ABI1: variants seen among roughly 807,000 people sequenced by gnomAD.
The protein encoded by ABI1 is abl interactor 1.
A neutral mutation model predicts 54.6 loss-of-function variants in ABI1; 14 were observed. The observed-to-expected ratio is 0.26, with a 90% CI of 0.17 to 0.40. ABI1 has a LOEUF of 0.40. Among genes scored for constraint, ABI1 ranks in the 10% least tolerant of loss-of-function variants. ABI1 has a pLI of 1.00. For synonymous variants in ABI1, 194 were observed against 209.3 expected (o/e 0.93, Z 0.63); for missense variants, 443 against 598.3 (o/e 0.74, Z 2.71).
At chr10:26,799,620 G>C (rs2046413734) in intron 2 of ABI1, among the ~76,000 whole-genome samples, 1 of 152,186 alleles carries the variant, frequency 6.6e-6, no homozygotes, top group South Asian at 2.1e-4. Flanking sequence ...TCATTTCAGA[G>C]CTAAAACTGA....
At chr10:26,840,659 C>A (rs2134054417) in intron 1 of ABI1, among the ~76,000 whole-genome samples, 2 of 152,262 alleles carry the variant, frequency 1.3e-5, no homozygotes, top group South Asian at 4.1e-4. Flanking sequence ...ATCAATTAAT[C>A]TCTACTGTAA....
At chr10:26,839,914 C>G (rs2049366810) in intron 1 of ABI1, 2 of 596,190 alleles carry the variant, frequency 3.4e-6, no homozygotes, top group Admixed American at 5.3e-5. Context: ...TGCTGGAACC[C>G]AGGACTTTGG....
At chr10:26,766,366 T>C (rs1477360442) in intron 6 of ABI1, among the ~76,000 whole-genome samples, 1 of 152,218 alleles carries the variant, frequency 6.6e-6, no homozygotes, top group Admixed American at 6.5e-5. Flanking sequence ...TGTGTGTACA[T>C]GTGTAAAAAC....
chr10:26,836,215 C>T (rs993137181), intron 1 of ABI1, among the ~76,000 whole-genome samples: 18 of 151,898 alleles, frequency 1.2e-4, no homozygotes, highest in East Asian at 3.9e-4. Context: ...CAGGTTCAAG[C>T]GATTCTCCTG....
intron 2 of ABI1, among the ~76,000 whole-genome samples, chr10:26,812,343 A>G (rs2047294535): frequency 6.6e-6 from 1 of 152,198 alleles, no homozygotes; most frequent in Non-Finnish European, 1.5e-5. Flanking sequence ...TACCATTAAC[A>G]TACTTTTCTC....
chr10:26,814,058 G>C (rs538903706), intron 2 of ABI1, among the ~76,000 whole-genome samples: 1 of 152,232 alleles, frequency 6.6e-6, no homozygotes, highest in South Asian at 2.1e-4. Flanking sequence ...ACAGTAACTA[G>C]GTTTTTGCCT....
At chr10:26,809,178 G>A (rs1273225936) in intron 2 of ABI1, among the ~76,000 whole-genome samples, 4 of 149,854 alleles carry the variant, frequency 2.7e-5, no homozygotes, top group East Asian at 2.0e-4. Context: ...GCTGAGGCAC[G>A]AGAATCACTT....
chr10:26,811,646 TAAG>T (rs1434748979), intron 2 of ABI1, among the ~76,000 whole-genome samples: 1 of 152,206 alleles, frequency 6.6e-6, no homozygotes, highest in Non-Finnish European at 1.5e-5. Flanking sequence ...CTTATGATGT[TAAG>T]AATATTATAC....
chr10:26,767,134 C>T (rs183822451), intron 6 of ABI1, among the ~76,000 whole-genome samples: 1 of 152,164 alleles, frequency 6.6e-6, no homozygotes, highest in African/African-American at 2.4e-5. Context: ...TTAATAACTG[C>T]TTGTTGAATA....
At chr10:26,837,502 C>T (rs796259392) in intron 1 of ABI1, among the ~76,000 whole-genome samples, 69 of 152,316 alleles carry the variant, frequency 4.5e-4, no homozygotes, top group African/African-American at 1.6e-3. Flanking sequence ...CAATTCTATT[C>T]ACAATTAGAA....
At chr10:26,755,615 C>A (rs771904751) in intron 9 of ABI1, 40 bp downstream of exon 9, 3 of 1,499,612 alleles carry the variant, frequency 2.0e-6, no homozygotes, top group South Asian at 2.3e-5. Flanking sequence ...TATAAGGAGA[C>A]AGCCTCTACT....
At chr10:26,831,143 T>A (rs1589013533) in intron 1 of ABI1, among the ~76,000 whole-genome samples, 1 of 152,174 alleles carries the variant, frequency 6.6e-6, no homozygotes, top group Non-Finnish European at 1.5e-5. Flanking sequence ...CTCCCATTCC[T>A]TCTAGAAATG....
At chr10:26,826,783 A>G (rs2048328634) in intron 1 of ABI1, among the ~76,000 whole-genome samples, 1 of 152,074 alleles carries the variant, frequency 6.6e-6, no homozygotes, top group African/African-American at 2.4e-5. Flanking sequence ...AACCTCATGA[A>G]CCCGCTGGCT....
intron 7 of ABI1, among the ~76,000 whole-genome samples, chr10:26,762,301 C>G (rs1839338809): frequency 6.6e-6 from 1 of 152,160 alleles, no homozygotes; most frequent in Non-Finnish European, 1.5e-5. Flanking sequence ...AGCCACTGTG[C>G]CCAGCCTTAC....
At chr10:26,761,657 T>TATATAC (rs796236947) in intron 7 of ABI1, among the ~76,000 whole-genome samples, 1 of 91,620 alleles carries the variant, frequency 1.1e-5, no homozygotes, top group African/African-American at 4.2e-5. Context: ...TATATATATA[T>TATATAC]ATATACACAC....
chr10:26,771,881 A>G (rs3802616), intron 3 of ABI1, among the ~76,000 whole-genome samples: 10,326 of 152,232 alleles, frequency 0.068, 385 homozygotes, highest in East Asian at 0.14. Flanking sequence ...AGCCTACACA[A>G]CATGAAACAA....
intron 9 of ABI1, among the ~76,000 whole-genome samples, chr10:26,754,978 G>C (rs1385870940): frequency 6.6e-6 from 1 of 151,976 alleles, no homozygotes; most frequent in Non-Finnish European, 1.5e-5. Flanking sequence ...AACTTCATTC[G>C]AGAGAAGATC....
At chr10:26,856,063 G>A (rs908326401) in intron 1 of ABI1, among the ~76,000 whole-genome samples, 9 of 98,938 alleles carry the variant, frequency 9.1e-5, no homozygotes, top group Non-Finnish European at 1.3e-4. Context: ...GAGGACAGTG[G>A]ATCACCTGAG....
In ABI1 at chr10:26,747,070, C is replaced by CATTG. The variant is rs1475899885; in HGVS notation, c.*1496_*1499dup. On this transcript the variant is annotated 3_prime_UTR_variant, in exon 11 of 11. Coordinates refer to ENST00000376140, the MANE Select transcript of ABI1 (RefSeq NM_001012750.3). ...AGGCAAAATGCATATGAAATAGTCACATTGATTTGGTAGCAATAATGGTCT... is the reference window on the plus strand; with the variant it reads ...AGGCAAAATGCATATGAAATAGTCACATTGATTGATTTGGTAGCAATAATGGTCT... The CATTG allele has an allele frequency of 8.7e-6, 2 of 229,072 alleles. No individual in the cohort carries two copies. The highest frequency in any genetic ancestry group is 1.7e-5 in the Non-Finnish European group (2 of 115,436). 14.2% of individuals were successfully genotyped at this position (229,072 alleles called of 1,614,324 possible). A position where few individuals can be genotyped will look rare whatever the true frequency, so the allele number is the denominator to read the frequency against.
Sources: gnomAD v4.1 joint callset for allele counts (sites outside exome capture counted in the v4.1 genomes callset) on GRCh38, gnomAD v4.1.1 for gene constraint, MANE v1.5 for transcripts, NCBI Gene and HGNC (gene_info 2026-07-23, HGNC 2026-07-21) for gene names.